CCDC6: variants seen among roughly 807,000 people sequenced by gnomAD.
CCDC6 encodes the protein coiled-coil domain containing 6, also known as coiled-coil domain-containing protein 6.
A neutral mutation model predicts 56.6 loss-of-function variants in CCDC6; 20 were observed. The observed-to-expected ratio is 0.35, with a 90% CI of 0.25 to 0.51. CCDC6 has a LOEUF of 0.51. Ranked by LOEUF, CCDC6 falls within the 20% of genes least tolerant of loss-of-function variation. The probability of loss-of-function intolerance (pLI) is 0.95; values close to 1 mark genes in which losing one functional copy is unlikely to be tolerated. For missense variants in CCDC6, 367 were observed against 601.1 expected (o/e 0.61, Z 4.07); for synonymous variants, 241 against 234.4 (o/e 1.03, Z -0.26).
In CCDC6 at chr10:59,896,531, A is replaced by C. The variant is rs538428953; in HGVS notation, c.303+9591T>G. ...ACTTAAGGTCCAAATTTATAACTTCAAGACCAGGACAGTAAAAAGCAGCTA... is the reference window on the plus strand; with the variant it reads ...ACTTAAGGTCCAAATTTATAACTTCCAGACCAGGACAGTAAAAAGCAGCTA... On this transcript the variant is annotated intron_variant, in intron 1 of 8. Transcript: ENST00000263102. Among the ~76,000 whole-genome samples, 180 of 152,334 alleles carry C rather than the reference A, an allele frequency of 1.2e-3. 1 individual carries two copies. Among genetic ancestry groups the C allele is most frequent in the Admixed American group, 5.0e-3 (77 of 15,302 alleles).
intron 5 of CCDC6, among the ~76,000 whole-genome samples, chr10:59,812,136 A>C (rs930801845): frequency 1.3e-4 from 19 of 151,774 alleles, no homozygotes; most frequent in Non-Finnish European, 2.9e-5. Flanking sequence ...AAATATTCAG[A>C]AATCTAGTCC....
intron 1 of CCDC6, among the ~76,000 whole-genome samples, chr10:59,887,686 A>G (rs907768134): frequency 6.6e-6 from 1 of 152,184 alleles, no homozygotes; most frequent in African/African-American, 2.4e-5. Context: ...GAAATATCAT[A>G]TGTACTCACA....
intron 1 of CCDC6, among the ~76,000 whole-genome samples, chr10:59,885,726 T>C (rs543321280): frequency 1.3e-5 from 2 of 152,298 alleles, no homozygotes; most frequent in Middle Eastern, 3.4e-3. Context: ...ATTCTCTTCA[T>C]GGTTAACTCC....
chr10:59,899,926 C>T (rs1016079159), intron 1 of CCDC6, among the ~76,000 whole-genome samples: 9 of 151,990 alleles, frequency 5.9e-5, no homozygotes, highest in Admixed American at 3.3e-4. Flanking sequence ...ATTCACATAT[C>T]TGGTCTGTTT....
chr10:59,798,790 C>A (rs577020705), intron 7 of CCDC6, among the ~76,000 whole-genome samples: 1 of 151,920 alleles, frequency 6.6e-6, no homozygotes, highest in Non-Finnish European at 1.5e-5. Context: ...GTCAGGAGTT[C>A]GAGACCAGCC....
intron 1 of CCDC6, among the ~76,000 whole-genome samples, chr10:59,873,999 C>A (rs2071254934): frequency 6.6e-6 from 1 of 152,086 alleles, no homozygotes; most frequent in African/African-American, 2.4e-5. Context: ...CCAAATGCTG[C>A]AAAATCAACC....
At chr10:59,833,644 G>T (rs541079702) in intron 2 of CCDC6, among the ~76,000 whole-genome samples, 19 of 103,048 alleles carry the variant, frequency 1.8e-4, no homozygotes, top group African/African-American at 7.1e-4. Context: ...CTCAACTGGG[G>T]GGGGGGGGGG....
At chr10:59,804,326 C>T in intron 7 of CCDC6, 94 bp downstream of exon 7, 1 of 756,288 alleles carries the variant, frequency 1.3e-6, no homozygotes. Flanking sequence ...TCCCTGTTTC[C>T]AAGATTTTTA....
At chr10:59,897,855 T>C (rs1423345979) in intron 1 of CCDC6, among the ~76,000 whole-genome samples, 1 of 152,242 alleles carries the variant, frequency 6.6e-6, no homozygotes, top group Non-Finnish European at 1.5e-5. Context: ...ACTTTTTGAA[T>C]GATGACTTAT....
intron 1 of CCDC6, among the ~76,000 whole-genome samples, chr10:59,884,671 A>C (rs780136028): frequency 5.9e-5 from 9 of 152,254 alleles, no homozygotes; most frequent in Non-Finnish European, 1.2e-4. Flanking sequence ...CAAGATATAG[A>C]ACAGCATGTA....
intron 3 of CCDC6, among the ~76,000 whole-genome samples, chr10:59,824,791 CA>C (rs1180530095): frequency 1.3e-5 from 2 of 151,994 alleles, no homozygotes; most frequent in African/African-American, 4.8e-5. Flanking sequence ...ACTTGTTTTC[CA>C]AACTGTCTTG....
intron 1 of CCDC6, among the ~76,000 whole-genome samples, chr10:59,863,297 T>C (rs2071150168): frequency 6.6e-6 from 1 of 152,226 alleles, no homozygotes; most frequent in Admixed American, 6.5e-5. Context: ...CTTACACGTG[T>C]TATATGGTCC....
At chr10:59,862,570 TACAC>T (rs907275659) in intron 1 of CCDC6, among the ~76,000 whole-genome samples, 5 of 96,412 alleles carry the variant, frequency 5.2e-5, no homozygotes, top group Non-Finnish European at 6.1e-5. Flanking sequence ...TATATACACA[TACAC>T]ACACACACAC....
At chr10:59,796,954 G>C (rs2070525344) in intron 7 of CCDC6, among the ~76,000 whole-genome samples, 1 of 137,200 alleles carries the variant, frequency 7.3e-6, no homozygotes, top group Admixed American at 7.4e-5. Context: ...CTGGGCGACA[G>C]AGCCAGATTC....
chr10:59,893,533 G>A (rs551989630), intron 1 of CCDC6, among the ~76,000 whole-genome samples: 1 of 152,222 alleles, frequency 6.6e-6, no homozygotes, highest in Admixed American at 6.5e-5. Context: ...TTGAGCCCAG[G>A]AGGCAGAGCC....
At chr10:59,845,738 G>T (rs569433605) in intron 2 of CCDC6, among the ~76,000 whole-genome samples, 110 of 152,280 alleles carry the variant, frequency 7.2e-4, no homozygotes, top group African/African-American at 2.6e-3. Context: ...GCTATTTTGT[G>T]ATAGCAAATT....
intron 1 of CCDC6, among the ~76,000 whole-genome samples, chr10:59,905,265 C>T (rs546054377): frequency 1.3e-5 from 2 of 152,290 alleles, no homozygotes; most frequent in Admixed American, 1.3e-4. Context: ...CAGACCCAAG[C>T]TTACCCGTTT....
At chr10:59,841,451 C>G (rs1039568022) in intron 2 of CCDC6, among the ~76,000 whole-genome samples, 2 of 152,160 alleles carry the variant, frequency 1.3e-5, no homozygotes, top group African/African-American at 4.8e-5. Context: ...TGCTGGTACA[C>G]AGAAATACAA....
chr10:59,885,928 C>T (rs796307743), intron 1 of CCDC6, among the ~76,000 whole-genome samples: 2 of 113,102 alleles, frequency 1.8e-5, no homozygotes, highest in African/African-American at 6.6e-5. Context: ...CCCCGCCCCC[C>T]CAACTAGAAT....
Sources: allele counts gnomAD v4.1 joint callset (sites outside exome capture counted in the v4.1 genomes callset), GRCh38; gene constraint gnomAD v4.1.1; transcripts MANE v1.5; gene names NCBI Gene and HGNC (gene_info 2026-07-23, HGNC 2026-07-21).